VRK3: variants seen among roughly 807,000 people sequenced by gnomAD.
The protein encoded by VRK3 is serine/threonine-protein kinase VRK3.
Under a neutral mutation model 60.4 loss-of-function variants are expected in VRK3, and 50 were observed. The observed-to-expected ratio is 0.83, with a 90% CI of 0.66 to 1.05. The LOEUF is 1.05. VRK3 is among the 50% of genes least tolerant of loss of function. The pLI, the probability that VRK3 is intolerant of heterozygous loss-of-function variation, is 0.00. For synonymous variants in VRK3, 246 were observed against 227.8 expected (o/e 1.08, Z -0.72); for missense variants, 549 against 585.3 (o/e 0.94, Z 0.64).
chr19:49,981,842 G>A, intron 12 of VRK3: 1 of 1,201,748 alleles, frequency 8.3e-7, no homozygotes, highest in Non-Finnish European at 1.0e-6. Flanking sequence ...TCGTGGCTGT[G>A]AGGGGCCAAT....
intron 3 of VRK3, among the ~76,000 whole-genome samples, chr19:50,014,936 C>A (rs1490719572): frequency 2.0e-5 from 3 of 151,962 alleles, no homozygotes; most frequent in Non-Finnish European, 4.4e-5. Flanking sequence ...AGGTGAGGAC[C>A]AGGGATGTGG....
chr19:50,016,996 T>C (rs575585305), intron 2 of VRK3, among the ~76,000 whole-genome samples: 69 of 139,824 alleles, frequency 4.9e-4, no homozygotes, highest in African/African-American at 1.1e-3. Context: ...TTGAGACCAG[T>C]CTGTCCAACA....
intron 12 of VRK3, chr19:49,987,591 G>C (rs1386977757): frequency 6.6e-6 from 1 of 152,392 alleles, no homozygotes; most frequent in South Asian, 2.1e-4. Flanking sequence ...TGGCAGTGTG[G>C]ACACTGCATA....
rs983850087 is a variant in VRK3 at position 49,995,424 on chromosome 19, G to A, written c.680-149C>T. 6 of 671,836 alleles carry A rather than the reference G, an allele frequency of 8.9e-6. No homozygotes were observed. In the African/African-American group the frequency reaches 9.0e-5, roughly 10 times the overall value. 41.6% of individuals were successfully genotyped at this position (671,836 alleles called of 1,614,324 possible). ...ACAACATTGTGGGTGGGTGATGGTGGGAAGGGGCTGGTGACAGGGCAGGCA... is the reference window on the plus strand; with the variant it reads ...ACAACATTGTGGGTGGGTGATGGTGAGAAGGGGCTGGTGACAGGGCAGGCA... On this transcript the variant is annotated intron_variant, in intron 7 of 14. Transcript: ENST00000316763.
chr19:50,006,597 G>C (rs1032090031), intron 5 of VRK3, among the ~76,000 whole-genome samples: 3 of 151,986 alleles, frequency 2.0e-5, no homozygotes, highest in Admixed American at 6.6e-5. Context: ...GGATGGTCTC[G>C]ATCTCCTGAC....
chr19:49,989,153 G>C (rs1260953013), intron 11 of VRK3, among the ~76,000 whole-genome samples: 1 of 152,108 alleles, frequency 6.6e-6, no homozygotes, highest in Non-Finnish European at 1.5e-5. Context: ...GGACGGCCAT[G>C]ATATAAAGGG....
intron 7 of VRK3, among the ~76,000 whole-genome samples, chr19:49,996,001 AACCTCC>A (rs2076697943): frequency 6.6e-6 from 1 of 151,912 alleles, no homozygotes; most frequent in Non-Finnish European, 1.5e-5. Flanking sequence ...GGCTCACTGC[AACCTCC>A]ACCTCCCAGG....
Position 49,995,247 on chromosome 19 carries a change from G to A in VRK3, c.708C>T (p.Thr236=), listed in dbSNP as rs774848838. ...QVNKWKKLYS[T]PLLAIPTCMG... Reference sequence around the variant, plus strand: ...TGCAGGTAGGGATGGCCAGCAGTGGGGTCGAGTACAGCTTCTTCCACTTGT... The same window carrying A: ...TGCAGGTAGGGATGGCCAGCAGTGGAGTCGAGTACAGCTTCTTCCACTTGT... The change falls in exon 8 of 15, where the codon ACC becomes ACT. Residue 236 remains threonine (T), a synonymous_variant. Transcript: ENST00000316763. The A allele has an allele frequency of 1.7e-5, 28 of 1,614,078 alleles. No homozygotes were observed. The highest frequency in any genetic ancestry group is 3.3e-5 in the Admixed American group (2 of 60,000).
At chr19:50,010,695 C>T (rs1258353049) in intron 3 of VRK3, among the ~76,000 whole-genome samples, 2 of 152,118 alleles carry the variant, frequency 1.3e-5, no homozygotes, top group East Asian at 3.9e-4. Context: ...GGTGGATCGC[C>T]TGAGGTCAGG....
chr19:50,003,990 C>T (rs1159629056), intron 5 of VRK3, among the ~76,000 whole-genome samples: 1 of 152,182 alleles, frequency 6.6e-6, no homozygotes, highest in Non-Finnish European at 1.5e-5. Context: ...GGCTTGAGGC[C>T]AAGAGTTTGA....
intron 7 of VRK3, 94 bp from the exon 8 acceptor site, chr19:49,995,369 G>A: frequency 8.7e-7 from 1 of 1,147,480 alleles, no homozygotes; most frequent in Non-Finnish European, 1.3e-6. Flanking sequence ...AGAGTGCCCA[G>A]ACCGCCTCCA....
chr19:49,994,778 C>T, intron 9 of VRK3, 36 bp downstream of exon 9: 2 of 1,587,528 alleles, frequency 1.3e-6, no homozygotes, highest in South Asian at 1.1e-5. Context: ...ATGTGCCCTC[C>T]CTGACGCGGC....
chr19:49,983,580 G>A (rs1311508374), intron 12 of VRK3, among the ~76,000 whole-genome samples: 2 of 152,236 alleles, frequency 1.3e-5, no homozygotes, highest in East Asian at 1.9e-4. Flanking sequence ...CCCTAACAGC[G>A]GGTCCAAAGC....
At chr19:50,017,158 C>T (rs961284393) in intron 2 of VRK3, among the ~76,000 whole-genome samples, 1 of 152,008 alleles carries the variant, frequency 6.6e-6, no homozygotes, top group African/African-American at 2.4e-5. Flanking sequence ...CATGCCATTG[C>T]ACTCCAGCCT....
chr19:50,023,170 C>T (rs1264699280), intron 1 of VRK3, among the ~76,000 whole-genome samples: 1 of 152,136 alleles, frequency 6.6e-6, no homozygotes, highest in African/African-American at 2.4e-5. Flanking sequence ...TTCTTGGACA[C>T]GATTTTACTG....
intron 3 of VRK3, among the ~76,000 whole-genome samples, chr19:50,012,539 A>T (rs1308232688): frequency 2.6e-5 from 4 of 152,144 alleles, no homozygotes; most frequent in African/African-American, 9.7e-5. Context: ...TTGCCATCTG[A>T]TGACTGATGG....
intron 1 of VRK3, among the ~76,000 whole-genome samples, chr19:50,022,106 T>C (rs2077180520): frequency 6.6e-6 from 1 of 152,094 alleles, no homozygotes; most frequent in African/African-American, 2.4e-5. Context: ...CAGACCTGAC[T>C]CCACTCACCT....
chr19:50,014,751 G>A (rs1449424768), intron 3 of VRK3, among the ~76,000 whole-genome samples: 11 of 152,244 alleles, frequency 7.2e-5, no homozygotes, highest in Non-Finnish European at 8.8e-5. Context: ...CAGGAGGGTC[G>A]GGAGGTGGGG....
chr19:49,999,828 G>C (rs1189423866), intron 6 of VRK3: 1 of 152,300 alleles, frequency 6.6e-6, no homozygotes, highest in African/African-American at 2.4e-5. Flanking sequence ...AATTACAGTA[G>C]TAATAACAGG....
Sources: allele counts gnomAD v4.1 joint callset (sites outside exome capture counted in the v4.1 genomes callset), GRCh38; gene constraint gnomAD v4.1.1; transcripts MANE v1.5; gene names NCBI Gene and HGNC (gene_info 2026-07-23, HGNC 2026-07-21).